Variants in STK33 observed in about 807,000 individuals in gnomAD.
The protein encoded by STK33 is serine/threonine-protein kinase 33.
STK33 carries 52 observed loss-of-function variants against 58.0 expected under a neutral mutation model. The observed-to-expected ratio is 0.90, with a 90% confidence interval of 0.72 to 1.13. The LOEUF (loss-of-function observed/expected upper bound fraction) is 1.13, where lower values mean the gene tolerates loss of function less well. Among genes scored for constraint, STK33 ranks in the 50% most tolerant of loss-of-function variants. The pLI is 0.00. For synonymous variants in STK33, 215 were observed against 200.1 expected (o/e 1.07, Z -0.63); for missense variants, 630 against 604.2 (o/e 1.04, Z -0.45).
intron 1 of STK33, among the ~76,000 whole-genome samples, chr11:8,563,887 C>A (rs1170293410): frequency 1.3e-5 from 2 of 152,156 alleles, no homozygotes; most frequent in South Asian, 4.2e-4. Flanking sequence ...AGGAAGAAAC[C>A]TGGCAGATTT....
the STK33 span, among the ~76,000 whole-genome samples, chr11:8,351,540 G>A: frequency 2.0e-5 from 3 of 152,336 alleles, no homozygotes; most frequent in East Asian, 3.9e-4. Context: ...AGCACCACAG[G>A]AGGGAGTCAC....
chr11:8,476,412 T>C (rs2137981852), intron 4 of STK33, among the ~76,000 whole-genome samples: 1 of 152,366 alleles, frequency 6.6e-6, no homozygotes, highest in East Asian at 1.9e-4. Context: ...TTTTGTTGAA[T>C]TTTGCCTATA....
At chr11:8,536,479 C>T (rs1955011245) in intron 1 of STK33, among the ~76,000 whole-genome samples, 1 of 152,108 alleles carries the variant, frequency 6.6e-6, no homozygotes, top group South Asian at 2.1e-4. Flanking sequence ...ATGGAAGGAA[C>T]AGGCTGATAC....
rs908800822 is a variant in STK33, at chr11:8,473,188, C to T, written c.314G>A (p.Arg105Lys). The T allele has an allele frequency of 1.9e-6, 3 of 1,612,794 alleles. No individual in the cohort carries two copies. The highest frequency in any genetic ancestry group is 1.7e-5 in the Admixed American group (1 of 59,914). ...CTCAATAGCAGCTCCATTCTCAATCCTTATGTGAGGAACTTTTCCTTCTGT... is the reference window on the plus strand; with the variant it reads ...CTCAATAGCAGCTCCATTCTCAATCTTTATGTGAGGAACTTTTCCTTCTGT... ...NFTEGKVPHI[R>K]IENGAAIEEI... Residue 105 changes from arginine to lysine, a missense_variant, in exon 6 of 16, where the codon AGG (arginine) becomes AAG (lysine). Arg to Lys is a conservative substitution (Grantham distance 26). Coordinates refer to ENST00000687296, the MANE Select transcript of STK33 (RefSeq NM_001352389.2).
At chr11:8,523,674 G>T (rs1411795401) in intron 1 of STK33, among the ~76,000 whole-genome samples, 1 of 148,552 alleles carries the variant, frequency 6.7e-6, no homozygotes, top group Admixed American at 6.7e-5. Context: ...GGCAGCCCCC[G>T]CCAGGCAGCC....
At chr11:8,378,934 A>G in the STK33 span, among the ~76,000 whole-genome samples, 1 of 152,230 alleles carries the variant, frequency 6.6e-6, no homozygotes, top group Non-Finnish European at 1.5e-5. Flanking sequence ...TGGTACCAGT[A>G]TAAAAGTAGA....
intron 1 of STK33, among the ~76,000 whole-genome samples, chr11:8,558,837 T>C (rs1346521834): frequency 6.6e-6 from 1 of 152,212 alleles, no homozygotes; most frequent in Non-Finnish European, 1.5e-5. Flanking sequence ...TCAATGGCAT[T>C]GCAGCAAATT....
chr11:8,337,803 C>T, the STK33 span, among the ~76,000 whole-genome samples: 24 of 152,150 alleles, frequency 1.6e-4, no homozygotes, highest in Non-Finnish European at 2.6e-4. Context: ...TCAGGGACTT[C>T]GCATTTGTCT....
intron 1 of STK33, among the ~76,000 whole-genome samples, chr11:8,563,961 A>T (rs2140986127): frequency 6.6e-6 from 1 of 152,340 alleles, no homozygotes; most frequent in Admixed American, 6.5e-5. Context: ...CATTGCTGTC[A>T]GTCAAAGATG....
chr11:8,521,291 G>T (rs1953408221), intron 1 of STK33, among the ~76,000 whole-genome samples: 1 of 152,028 alleles, frequency 6.6e-6, no homozygotes, highest in East Asian at 1.9e-4. Context: ...TAGACCAATG[G>T]AACAGAACAG....
At chr11:8,507,807 C>A (rs1263025477) in intron 1 of STK33, among the ~76,000 whole-genome samples, 1 of 152,178 alleles carries the variant, frequency 6.6e-6, no homozygotes, top group Non-Finnish European at 1.5e-5. Context: ...AAGGATCGTG[C>A]AGTCTAGTTG....
At chr11:8,429,432 C>T (rs1463517531) in intron 14 of STK33, among the ~76,000 whole-genome samples, 1 of 152,184 alleles carries the variant, frequency 6.6e-6, no homozygotes, top group African/African-American at 2.4e-5. Flanking sequence ...TTGTCTCACA[C>T]CATTTTCCTA....
chr11:8,372,968 T>C, the STK33 span, among the ~76,000 whole-genome samples: 1 of 152,304 alleles, frequency 6.6e-6, no homozygotes, highest in African/African-American at 2.4e-5. Context: ...AAAGACCCCA[T>C]GCAGCAGGGA....
chr11:8,508,452 T>G (rs1276535821), intron 1 of STK33, among the ~76,000 whole-genome samples: 1 of 151,788 alleles, frequency 6.6e-6, no homozygotes, highest in Admixed American at 6.6e-5. Flanking sequence ...TTTAATTTAT[T>G]GCAGTGATGG....
chr11:8,513,802 C>A (rs1380324831), intron 1 of STK33, among the ~76,000 whole-genome samples: 1 of 152,014 alleles, frequency 6.6e-6, no homozygotes, highest in Non-Finnish European at 1.5e-5. Context: ...AAACATTTAT[C>A]CTTTGTGTTA....
At chr11:8,445,013 T>C (rs887410820) in intron 11 of STK33, among the ~76,000 whole-genome samples, 1 of 152,242 alleles carries the variant, frequency 6.6e-6, no homozygotes, top group Non-Finnish European at 1.5e-5. Context: ...TGATTCTTCC[T>C]ATCCATGAGC....
At chr11:8,480,080 C>T (rs149994984) in intron 2 of STK33, among the ~76,000 whole-genome samples, 1 of 152,248 alleles carries the variant, frequency 6.6e-6, no homozygotes, top group African/African-American at 2.4e-5. Context: ...TGAGAGCTCT[C>T]TTCACATTTC....
chr11:8,443,365 A>G (rs757514033), intron 11 of STK33, among the ~76,000 whole-genome samples: 7 of 152,222 alleles, frequency 4.6e-5, no homozygotes, highest in African/African-American at 1.7e-4. Flanking sequence ...TCAGTCACAA[A>G]GAAAATTCCT....
intron 1 of STK33, among the ~76,000 whole-genome samples, chr11:8,535,090 A>T (rs1954891293): frequency 6.6e-6 from 1 of 152,314 alleles, no homozygotes; most frequent in Middle Eastern, 3.4e-3. Flanking sequence ...AAAATAGACG[A>T]GAGAACATGG....
Sources: allele counts gnomAD v4.1 joint callset (sites outside exome capture counted in the v4.1 genomes callset), GRCh38; gene constraint gnomAD v4.1.1; transcripts MANE v1.5; gene names NCBI Gene and HGNC (gene_info 2026-07-23, HGNC 2026-07-21).